GTSE1: variants seen among roughly 807,000 people sequenced by gnomAD.
GTSE1 encodes the protein G2 and S phase-expressed protein 1.
Under a neutral mutation model 60.5 loss-of-function variants are expected in GTSE1, and 52 were observed. The ratio of observed to expected loss-of-function variants is 0.86; its 90% CI spans 0.69 to 1.08. The LOEUF (loss-of-function observed/expected upper bound fraction) is 1.08. GTSE1 is among the 50% of genes least tolerant of loss of function. The pLI, the probability that GTSE1 is intolerant of heterozygous loss-of-function variation, is 0.00. For synonymous variants in GTSE1, 368 were observed against 386.5 expected (o/e 0.95, Z 0.56); for missense variants, 937 against 961.8 (o/e 0.97, Z 0.34).
chr22:46,327,662 C>A (rs914517838), intron 9 of GTSE1, among the ~76,000 whole-genome samples: 28 of 152,102 alleles, frequency 1.8e-4, no homozygotes, highest in African/African-American at 6.5e-4. Flanking sequence ...GCAACAGAGA[C>A]CCTGTCTCAA....
Position 46,329,456 on chromosome 22 carries a change from C to T in GTSE1, c.2025C>T (p.Thr675=), listed in dbSNP as rs1284285090. 1 of 1,614,142 alleles carries T rather than the reference C, an allele frequency of 6.2e-7. No individual in the cohort carries two copies. Among genetic ancestry groups the T allele is most frequent in the Admixed American group, 1.7e-5 (1 of 60,026 alleles). The change falls in exon 11 of 12, where the codon ACC becomes ACT. Residue 675 remains threonine (T), a synonymous_variant. Transcript: ENST00000454366. This position sits in a 1 kb window ranked among gnomAD's most constrained non-coding sequence, Gnocchi z 6.4. ...TTCCTCTCATCGACTTCTGCGATACCCCAGAAGCACACGTGGCTGTAGGAT... is the reference window on the plus strand; with the variant it reads ...TTCCTCTCATCGACTTCTGCGATACTCCAGAAGCACACGTGGCTGTAGGAT... ...IDLPLIDFCD[T]PEAHVAVGSE...
chr22:46,307,414 G>A (rs2077721294), intron 2 of GTSE1, among the ~76,000 whole-genome samples: 1 of 152,158 alleles, frequency 6.6e-6, no homozygotes, highest in Non-Finnish European at 1.5e-5. Flanking sequence ...TGAAAAGCTA[G>A]TTGAATGAGT....
Position 46,328,831 on chromosome 22 carries a change from C to T in GTSE1, c.1868C>T (p.Thr623Ile). ...EESDSTFSKSTATEVAREEAK... is the reference protein window; with the variant it reads ...EESDSTFSKSIATEVAREEAK... Reference sequence around the variant, plus strand: ...AGCGATTCTACTTTCTCCAAAAGTACTGCCACAGAAGTAGCTCGGGAGGAA... The same window carrying T: ...AGCGATTCTACTTTCTCCAAAAGTATTGCCACAGAAGTAGCTCGGGAGGAA... The change falls in exon 10 of 12, where the codon ACT (threonine) becomes ATT (isoleucine). Residue 623 changes from threonine (T) to isoleucine (I), a missense_variant. By Grantham distance (89) the Thr-to-Ile change is moderately conservative (BLOSUM62 -1). Transcript: ENST00000454366. 3 of 1,614,078 alleles carry T rather than the reference C, an allele frequency of 1.9e-6. No individual in the cohort carries two copies. The highest frequency in any genetic ancestry group is 2.5e-6 in the Non-Finnish European group (3 of 1,179,974).
At position 46,313,796 on chromosome 22, in the gene GTSE1, C is replaced by T. The variant is rs1195427323; in HGVS notation, c.928-94C>T. On this transcript the variant is annotated intron_variant, in intron 5 of 11. Coordinates refer to ENST00000454366, the MANE Select transcript of GTSE1 (RefSeq NM_016426.7). The surrounding 1 kb of genome is among the most constrained non-coding windows in gnomAD (Gnocchi z 4.4). ...TGCTGGGATTACAGGCGTGAGCCAC[C>T]GTGCCCAGCCAAAAACCCCTTACTT... The T allele has an allele frequency of 5.6e-6, 8 of 1,421,814 alleles. No individual in the cohort carries two copies. The highest frequency in any genetic ancestry group is 3.6e-5 in the South Asian group (3 of 83,918). 88.1% of individuals were successfully genotyped at this position (1,421,814 alleles called of 1,614,324 possible). A position where few individuals can be genotyped will look rare whatever the true frequency, so the allele number is the denominator to read the frequency against.
rs1044896222 is a variant in GTSE1, at chr22:46,299,509, G to C, written c.79+2030G>C. Among the ~76,000 whole-genome samples the C allele has an allele frequency of 1.4e-4, 22 of 152,120 alleles. 1 individual carries two copies. Among genetic ancestry groups the C allele is most frequent in the Admixed American group, 1.2e-3 (18 of 15,280 alleles). On this transcript the variant is annotated intron_variant, in intron 2 of 11. Coordinates refer to ENST00000454366, the MANE Select transcript of GTSE1 (RefSeq NM_016426.7). ...CCATTTTATTTCTCCATTTCACCCA[G>C]CTGTGCAAGCTGAGAACCTCCTACA...
intron 2 of GTSE1, among the ~76,000 whole-genome samples, chr22:46,305,339 G>A (rs935712142): frequency 2.0e-5 from 3 of 152,174 alleles, no homozygotes; most frequent in African/African-American, 7.2e-5. Context: ...ACTGGATGCG[G>A]TGGCTCACGC....
chr22:46,312,058 G>A, intron 4 of GTSE1, 83 bp from the exon 5 acceptor site: 1 of 1,199,072 alleles, frequency 8.3e-7, no homozygotes, highest in Non-Finnish European at 1.2e-6. Flanking sequence ...ATGGGGCCTA[G>A]GCTCGCTCTG....
Position 46,321,355 on chromosome 22 carries a change from G to A in GTSE1, c.1433-1835G>A, listed in dbSNP as rs1373458106. Among the ~76,000 whole-genome samples, 2 of 152,186 alleles carry A rather than the reference G, an allele frequency of 1.3e-5. No homozygotes were observed. The highest frequency in any genetic ancestry group is 1.9e-4 in the East Asian group (1 of 5,194). On this transcript the variant is annotated intron_variant, in intron 7 of 11. Transcript: ENST00000454366. The surrounding 1 kb of genome is among the most constrained non-coding windows in gnomAD (Gnocchi z 4.0). ...GGAGTTCAAGGCTGCAGTGAGCAGTGATCAAGCCACTGCACTCCAGCCTGG... is the reference window on the plus strand; with the variant it reads ...GGAGTTCAAGGCTGCAGTGAGCAGTAATCAAGCCACTGCACTCCAGCCTGG...
At position 46,309,572 on chromosome 22, in the gene GTSE1, G is replaced by A. The variant is rs934624517; in HGVS notation, c.762+629G>A. 6.6e-6 allele frequency among the ~76,000 whole-genome samples: 1 copy of A among 152,186 alleles called. No individual in the cohort carries two copies. Among genetic ancestry groups the A allele is most frequent in the African/African-American group, 2.4e-5 (1 of 41,442 alleles). ...CCAGCTCTGCCCCCTCCCCTGGGCA[G>A]CACGTACAGAGGAATGACCCTGGGT... On this transcript the variant is annotated intron_variant, in intron 4 of 11. Coordinates refer to ENST00000454366, the MANE Select transcript of GTSE1 (RefSeq NM_016426.7). This position sits in a 1 kb window ranked among gnomAD's most constrained non-coding sequence, Gnocchi z 6.2.
At position 46,329,577 on chromosome 22, in the gene GTSE1, G is replaced by A. The variant is rs1164771501; in HGVS notation, c.2136+10G>A. The A allele has an allele frequency of 1.9e-6, 3 of 1,608,406 alleles. No homozygotes were observed. Among genetic ancestry groups the A allele is most frequent in the Non-Finnish European group, 2.6e-6 (3 of 1,174,900 alleles). On this transcript the variant is annotated intron_variant, in intron 11 of 11. Coordinates refer to ENST00000454366, the MANE Select transcript of GTSE1 (RefSeq NM_016426.7). This position sits in a 1 kb window ranked among gnomAD's most constrained non-coding sequence, Gnocchi z 6.4. ...ACCGGTGGTGGGACAGGTGAGAAGT[G>A]GCAGGTGGTTCATGTTGACTCAGCC...
rs796092170 is a variant in GTSE1, at chr22:46,309,466, G to A, written c.762+523G>A. Among the ~76,000 whole-genome samples the A allele has an allele frequency of 3.3e-5, 5 of 152,234 alleles. No homozygotes were observed. The highest frequency in any genetic ancestry group is 9.6e-5 in the African/African-American group (4 of 41,530). On this transcript the variant is annotated intron_variant, in intron 4 of 11. Coordinates refer to ENST00000454366, the MANE Select transcript of GTSE1 (RefSeq NM_016426.7). The surrounding 1 kb of genome is among the most constrained non-coding windows in gnomAD (Gnocchi z 6.2). ...ACAGGACTTGCTGCCAGGGCTGCCC[G>A]ATCTGGCTCTTGCTCGGGAGAGGCC...
chr22:46,328,573 G>A (rs2077856932), intron 9 of GTSE1, 115 bp from the exon 10 acceptor site: 1 of 741,290 alleles, frequency 1.3e-6, no homozygotes, highest in South Asian at 1.7e-5. Context: ...AGGCCCTAGA[G>A]CCGGGACGCA....
At chr22:46,307,448 T>A (rs1318556943) in intron 2 of GTSE1, among the ~76,000 whole-genome samples, 1 of 152,134 alleles carries the variant, frequency 6.6e-6, no homozygotes, top group Non-Finnish European at 1.5e-5. Context: ...TTAGATTATA[T>A]CTTAAAAGTA....
In GTSE1 at chr22:46,318,470, G is replaced by A. The variant is rs1010901508; in HGVS notation, c.1432+2058G>A. Among the ~76,000 whole-genome samples, 3 of 152,186 alleles carry A rather than the reference G, an allele frequency of 2.0e-5. No individual in the cohort carries two copies. Among genetic ancestry groups the A allele is most frequent in the Non-Finnish European group, 4.4e-5 (3 of 68,036 alleles). The stretch of plus-strand genomic sequence containing the variant: ...ATTTCTGTTTAATAGGAAAAGATAC[G>A]AAATGTTATCAGATGAGCAGGCCTG... On this transcript the variant is annotated intron_variant, in intron 7 of 11. Transcript: ENST00000454366. This position sits in a 1 kb window ranked among gnomAD's most constrained non-coding sequence, Gnocchi z 4.8.
chr22:46,312,628 G>C (rs1435497309), intron 5 of GTSE1, among the ~76,000 whole-genome samples: 2 of 138,080 alleles, frequency 1.4e-5, no homozygotes, highest in Non-Finnish European at 3.0e-5. Flanking sequence ...GACAGAATGA[G>C]ACCCTGTCTC....
intron 2 of GTSE1, among the ~76,000 whole-genome samples, chr22:46,300,093 G>A (rs1279477801): frequency 7.0e-6 from 1 of 143,056 alleles, no homozygotes. Flanking sequence ...ATGAGCCACT[G>A]TGCTCAGCCT....
At position 46,317,862 on chromosome 22, in the gene GTSE1, T is replaced by C. The variant is rs575866520; in HGVS notation, c.1432+1450T>C. ...CCTGTGAGCTCCGCTCGTTGCTCCCTGGTAAGACGGCGGTTTCTCGGCCCT... is the reference window on the plus strand; with the variant it reads ...CCTGTGAGCTCCGCTCGTTGCTCCCCGGTAAGACGGCGGTTTCTCGGCCCT... On this transcript the variant is annotated intron_variant, in intron 7 of 11. Coordinates refer to ENST00000454366, the MANE Select transcript of GTSE1 (RefSeq NM_016426.7). This position sits in a 1 kb window ranked among gnomAD's most constrained non-coding sequence, Gnocchi z 5.6. Among the ~76,000 whole-genome samples the C allele has an allele frequency of 1.1e-4, 17 of 152,146 alleles. No individual in the cohort carries two copies. The highest frequency in any genetic ancestry group is 4.6e-4 in the Admixed American group (7 of 15,206).
Position 46,324,524 on chromosome 22 carries a change from C to A in GTSE1, c.1505+1262C>A, listed in dbSNP as rs371272445. Reference sequence around the variant, plus strand: ...CTGGGACTACAGGCGCCCGCCACCACGCCCGGCTAAGTTTTTGTATTTTTA... The same window carrying A: ...CTGGGACTACAGGCGCCCGCCACCAAGCCCGGCTAAGTTTTTGTATTTTTA... On this transcript the variant is annotated intron_variant, in intron 8 of 11. Transcript: ENST00000454366. The surrounding 1 kb of genome is among the most constrained non-coding windows in gnomAD (Gnocchi z 5.2). 9.2e-5 allele frequency among the ~76,000 whole-genome samples: 14 copies of A among 152,160 alleles called. No individual in the cohort carries two copies. In the East Asian group the frequency reaches 2.7e-3, roughly 29 times the overall value.
intron 7 of GTSE1, among the ~76,000 whole-genome samples, chr22:46,322,862 C>T (rs369034565): frequency 3.3e-5 from 5 of 152,308 alleles, no homozygotes; most frequent in Admixed American, 1.3e-4. Flanking sequence ...AAGTCGACTT[C>T]GCTCTGTGAA....
Sources: allele counts gnomAD v4.1 joint callset (sites outside exome capture counted in the v4.1 genomes callset), GRCh38; gene constraint gnomAD v4.1.1; non-coding constraint Gnocchi (gnomAD v3.1); transcripts MANE v1.5; gene names NCBI Gene and HGNC (gene_info 2026-07-23, HGNC 2026-07-21).